LARP4: variants seen among roughly 807,000 people sequenced by gnomAD.
LARP4 encodes la-related protein 4.
A neutral mutation model predicts 92.9 loss-of-function variants in LARP4; 29 were observed. That is an observed-to-expected ratio of 0.31 (90% CI 0.23 to 0.43). The LOEUF is 0.43. Ranked by LOEUF, LARP4 falls within the 20% of genes least tolerant of loss-of-function variation. The pLI, the probability that LARP4 is intolerant of heterozygous loss-of-function variation, is 1.00. For missense variants in LARP4, 732 were observed against 860.0 expected (o/e 0.85, Z 1.86); for synonymous variants, 279 against 284.1 (o/e 0.98, Z 0.18).
chr12:50,441,569 T>G, intron 7 of LARP4, 21 bp from the exon 8 acceptor site: 2 of 1,559,884 alleles, frequency 1.3e-6, no homozygotes, highest in Non-Finnish European at 1.7e-6. Flanking sequence ...AATGAAAGTT[T>G]TTTTTGTGCT....
Position 50,465,371 on chromosome 12 carries a change from CA to C in LARP4, c.1384-1570del, listed in dbSNP as rs368980753. On this transcript the variant is annotated intron_variant, in intron 12 of 15. Transcript: ENST00000398473. The stretch of plus-strand genomic sequence containing the variant: ...TGGGCGACAGAGCCAGACTCTGTCT[CA>C]AAAAAAAAAAAAAAAAAGAGAGATT... 1.5e-3 allele frequency among the ~76,000 whole-genome samples: 172 copies of C among 112,328 alleles called. 1 individual carries two copies. Among genetic ancestry groups the C allele is most frequent in the African/African-American group, 5.6e-3 (147 of 26,116 alleles). The allele number at this position is 112,328 out of a possible 152,430, so 73.7% of individuals were successfully genotyped here.
chr12:50,407,090 A>G (rs1196677383), intron 1 of LARP4, among the ~76,000 whole-genome samples: 3 of 151,528 alleles, frequency 2.0e-5, no homozygotes, highest in Non-Finnish European at 4.4e-5. Flanking sequence ...CAGTGGCATG[A>G]TCTCGGCTCA....
intron 6 of LARP4, among the ~76,000 whole-genome samples, chr12:50,439,375 A>G (rs1486724313): frequency 1.3e-5 from 2 of 152,030 alleles, no homozygotes; most frequent in East Asian, 3.9e-4. Flanking sequence ...TTGCTTTTAA[A>G]ATTTTTTTTT....
At chr12:50,410,901 A>G (rs1443851518) in intron 1 of LARP4, among the ~76,000 whole-genome samples, 1 of 152,118 alleles carries the variant, frequency 6.6e-6, no homozygotes, top group Non-Finnish European at 1.5e-5. Context: ...TTTAGGATAT[A>G]AATCCTGTCT....
At chr12:50,465,245 G>T (rs1250944193) in intron 12 of LARP4, among the ~76,000 whole-genome samples, 2 of 151,786 alleles carry the variant, frequency 1.3e-5, no homozygotes, top group Admixed American at 6.6e-5. Flanking sequence ...GGTGGTGGGT[G>T]CCTGTAGTCC....
intron 1 of LARP4, among the ~76,000 whole-genome samples, chr12:50,404,996 C>T (rs1944539530): frequency 6.6e-6 from 1 of 150,402 alleles, no homozygotes; most frequent in Non-Finnish European, 1.5e-5. Flanking sequence ...CGGGTTCAAG[C>T]AGTTCTGCCT....
chr12:50,402,715 A>G (rs1944097165), intron 1 of LARP4: 2 of 449,428 alleles, frequency 4.5e-6, no homozygotes, highest in Admixed American at 4.9e-5. Context: ...AACTTTACTT[A>G]GTAAAAGTAA....
At chr12:50,441,395 C>T (rs1951184079) in intron 7 of LARP4, 195 bp from the exon 8 acceptor site, 1 of 418,252 alleles carries the variant, frequency 2.4e-6, no homozygotes, top group East Asian at 4.0e-5. Context: ...TCCATGGTGG[C>T]TTTTCTACAA....
At chr12:50,464,386 AG>A (rs1308791644) in intron 12 of LARP4, among the ~76,000 whole-genome samples, 3 of 152,182 alleles carry the variant, frequency 2.0e-5, no homozygotes, top group African/African-American at 7.2e-5. Flanking sequence ...ATTATAACTT[AG>A]AATTGTTTTT....
chr12:50,418,014 C>T (rs1947132415), intron 1 of LARP4, among the ~76,000 whole-genome samples: 1 of 152,258 alleles, frequency 6.6e-6, no homozygotes, highest in African/African-American at 2.4e-5. Context: ...GCACCCACCA[C>T]CACGCCCGGC....
intron 6 of LARP4, among the ~76,000 whole-genome samples, chr12:50,438,202 A>T (rs1950702975): frequency 6.6e-6 from 1 of 152,164 alleles, no homozygotes; most frequent in African/African-American, 2.4e-5. Context: ...TTGATTAAGG[A>T]TTAAGGAGGC....
chr12:50,473,925 G>T, intron 14 of LARP4, 74 bp from the exon 15 acceptor site: 1 of 1,330,264 alleles, frequency 7.5e-7, no homozygotes, highest in Non-Finnish European at 1.0e-6. Flanking sequence ...AAAAAATTAC[G>T]TTTTCTTCTG....
At chr12:50,465,394 G>A (rs12578525) in intron 12 of LARP4, among the ~76,000 whole-genome samples, 103,836 of 146,920 alleles carry the variant, frequency 0.71, 42,824 homozygotes, top group Non-Finnish European at 0.93. Context: ...AAAAAAGAGA[G>A]ATTAGATTTG....
intron 8 of LARP4, among the ~76,000 whole-genome samples, chr12:50,446,688 A>T (rs553695463): frequency 6.6e-6 from 1 of 151,308 alleles, no homozygotes; most frequent in Admixed American, 6.6e-5. Context: ...CAGCCCCCCA[A>T]AGTACTGGGA....
intron 13 of LARP4, among the ~76,000 whole-genome samples, chr12:50,467,868 A>G (rs1291246630): frequency 9.0e-6 from 1 of 111,472 alleles, no homozygotes; most frequent in Non-Finnish European, 1.7e-5. Context: ...TTTTTTTTTT[A>G]ATTATAACAG....
intron 13 of LARP4, among the ~76,000 whole-genome samples, 156 bp from the exon 14 acceptor site, chr12:50,473,259 C>T (rs1300397213): frequency 6.6e-6 from 1 of 152,112 alleles, no homozygotes; most frequent in East Asian, 1.9e-4. Flanking sequence ...TAATTATAAC[C>T]ATCCTTGTGG....
At chr12:50,435,908 A>T (rs1393673661) in intron 5 of LARP4, among the ~76,000 whole-genome samples, 1 of 151,558 alleles carries the variant, frequency 6.6e-6, no homozygotes, top group Non-Finnish European at 1.5e-5. Context: ...CTCCCAAGTT[A>T]CTGGGACCCC....
intron 8 of LARP4, among the ~76,000 whole-genome samples, chr12:50,442,957 G>C (rs1951452048): frequency 6.6e-6 from 1 of 152,096 alleles, no homozygotes; most frequent in Non-Finnish European, 1.5e-5. Context: ...CTCTGTCTAT[G>C]ATGTTCTTCT....
chr12:50,462,989 C>T (rs1376782500), intron 12 of LARP4, among the ~76,000 whole-genome samples: 1 of 152,090 alleles, frequency 6.6e-6, no homozygotes, highest in Admixed American at 6.6e-5. Context: ...ACTGGAATTA[C>T]AGGCCTGAGC....
Sources: gnomAD v4.1 joint callset for allele counts (sites outside exome capture counted in the v4.1 genomes callset) on GRCh38, gnomAD v4.1.1 for gene constraint, MANE v1.5 for transcripts, NCBI Gene and HGNC (gene_info 2026-07-23, HGNC 2026-07-21) for gene names.